Variants in TRIO observed in about 807,000 individuals in gnomAD.
TRIO encodes trio Rho guanine nucleotide exchange factor.
A neutral mutation model predicts 351.9 loss-of-function variants in TRIO; 58 were observed. That is an observed-to-expected ratio of 0.16 (90% CI 0.13 to 0.21). TRIO has a LOEUF of 0.21. Ranked by LOEUF, TRIO falls within the 10% of genes least tolerant of loss-of-function variation. The pLI is 1.00. For synonymous variants in TRIO, 1,758 were observed against 1,595.7 expected (o/e 1.10, Z -2.42); for missense variants, 3,201 against 4,027.8 (o/e 0.79, Z 5.56).
chr5:14,397,123 C>G lies in TRIO; in HGVS notation c.4392C>G (p.Ala1464=), dbSNP rs749640098. 6.2e-6 allele frequency: 10 copies of G among 1,609,642 alleles called. No homozygotes were observed. In the South Asian group the frequency reaches 1.1e-4, roughly 18 times the overall value. ...TGATGCTCAGCGTGCCGAAGCGAGC[C>G]AATGATGCCATGCACCTCAGCATGC... ...LEVMLSVPKR[A]NDAMHLSMLE... is the part of the protein sequence containing the mutation. The change falls in exon 29 of 57, where the codon GCC becomes GCG. Residue 1464 remains alanine, a synonymous_variant. Coordinates refer to ENST00000344204, the MANE Select transcript of TRIO (RefSeq NM_007118.4).
At chr5:14,412,688 G>A (rs920601969) in intron 33 of TRIO, among the ~76,000 whole-genome samples, 5 of 152,198 alleles carry the variant, frequency 3.3e-5, no homozygotes, top group Admixed American at 2.0e-4. Flanking sequence ...CCCCATGTAA[G>A]CATGAAATTG....
intron 56 of TRIO, 98 bp from the exon 57 acceptor site, chr5:14,507,782 C>G: frequency 7.0e-7 from 1 of 1,438,372 alleles, no homozygotes; most frequent in Non-Finnish European, 9.3e-7. Flanking sequence ...TAGTTGACAT[C>G]CTAGATTCCT....
intron 34 of TRIO, chr5:14,441,153 G>T (rs112035431): frequency 0.041 from 6,235 of 152,932 alleles, 216 homozygotes; most frequent in African/African-American, 0.087. Flanking sequence ...TTAGCTGGTC[G>T]CTGCTTTTGC....
At chr5:14,171,815 G>A (rs1374834766) in intron 1 of TRIO, among the ~76,000 whole-genome samples, 3 of 152,146 alleles carry the variant, frequency 2.0e-5, no homozygotes, top group Non-Finnish European at 4.4e-5. Context: ...TAGATATGTG[G>A]ACCTAGAGTA....
At chr5:14,430,232 A>AC (rs1750985112) in intron 34 of TRIO, among the ~76,000 whole-genome samples, 1 of 151,706 alleles carries the variant, frequency 6.6e-6, no homozygotes, top group Non-Finnish European at 1.5e-5. Flanking sequence ...AAAAAAAAAA[A>AC]AAATTGTCCT....
At chr5:14,333,290 T>G (rs1741080011) in intron 10 of TRIO, among the ~76,000 whole-genome samples, 1 of 152,204 alleles carries the variant, frequency 6.6e-6, no homozygotes, top group Admixed American at 6.5e-5. Flanking sequence ...CCACTGTTAG[T>G]TAGCGTTTGT....
intron 1 of TRIO, among the ~76,000 whole-genome samples, chr5:14,254,269 C>T (rs998459632): frequency 2.0e-5 from 3 of 151,860 alleles, no homozygotes; most frequent in South Asian, 2.1e-4. Flanking sequence ...CTGCAGCCTC[C>T]GCCTCCCAGG....
intron 34 of TRIO, among the ~76,000 whole-genome samples, chr5:14,446,507 G>C (rs1246753004): frequency 6.6e-6 from 1 of 152,168 alleles, no homozygotes; most frequent in Non-Finnish European, 1.5e-5. Context: ...AGGGGGAAGA[G>C]AGGGGGACAA....
chr5:14,398,596 A>G (rs187189642), intron 29 of TRIO, among the ~76,000 whole-genome samples: 17 of 152,302 alleles, frequency 1.1e-4, no homozygotes, highest in East Asian at 3.9e-4. Context: ...CCAGATCTCA[A>G]CTGTTGCAGA....
At chr5:14,465,763 C>T in intron 37 of TRIO, 123 bp downstream of exon 37, 1 of 1,061,288 alleles carries the variant, frequency 9.4e-7, no homozygotes, top group South Asian at 1.4e-5. Context: ...TATGGCACAT[C>T]TCAGGAGTCC....
chr5:14,472,474 A>C, intron 38 of TRIO, 118 bp from the exon 39 acceptor site: 1 of 1,057,112 alleles, frequency 9.5e-7, no homozygotes, highest in Non-Finnish European at 1.4e-6. Context: ...ACCTAAATGT[A>C]CAAATTTGAT....
intron 1 of TRIO, among the ~76,000 whole-genome samples, chr5:14,191,700 T>G (rs1037088728): frequency 6.6e-6 from 1 of 152,328 alleles, no homozygotes; most frequent in South Asian, 2.1e-4. Context: ...ATAGGGAAGT[T>G]AATTCTGATA....
intron 1 of TRIO, among the ~76,000 whole-genome samples, chr5:14,230,336 ATGTTTGTGTG>A (rs1793326527): frequency 8.6e-6 from 1 of 115,834 alleles, no homozygotes; most frequent in African/African-American, 4.1e-5. Flanking sequence ...GTCAGGCAAG[ATGTTTGTGTG>A]TGTGTGTGTG....
At position 14,286,939 on chromosome 5, in the gene TRIO, A is replaced by G. The variant is rs972632701; in HGVS notation, c.416A>G (p.Lys139Arg). 2 of 1,614,194 alleles carry G rather than the reference A, an allele frequency of 1.2e-6. No individual in the cohort carries two copies. Among genetic ancestry groups the G allele is most frequent in the East Asian group, 2.2e-5 (1 of 44,880 alleles). ...CGTGGGTCCAAGTGGGACTCCATCAAGCCCCTTCTGAAGATCCTGCAGGAG... is the reference window on the plus strand; with the variant it reads ...CGTGGGTCCAAGTGGGACTCCATCAGGCCCCTTCTGAAGATCCTGCAGGAG... The part of the protein sequence containing the change: ...DMRGSKWDSI[K>R]PLLKILQESF... The change falls in exon 4 of 57, where the codon AAG (lysine) becomes AGG (arginine). Residue 139 changes from lysine (K) to arginine (R), a missense_variant. Physicochemically the swap from Lys to Arg is conservative, Grantham distance 26. Transcript: ENST00000344204. This position sits in a 1 kb window ranked among gnomAD's most constrained non-coding sequence, Gnocchi z 4.4.
chr5:14,330,828 A>T lies in TRIO; in HGVS notation c.1782A>T (p.Thr594=). The T allele has an allele frequency of 6.2e-7, 1 of 1,614,168 alleles. No individual in the cohort carries two copies. The highest frequency in any genetic ancestry group is 2.2e-5 in the East Asian group (1 of 44,888). ...NHGEAFLSKH[T]GVGKSLHRAR... ...GAGAAGCATTTCTGAGCAAACATACAGGTGTGGGGAAATCTCTTCATCGGG... is the reference window on the plus strand; with the variant it reads ...GAGAAGCATTTCTGAGCAAACATACTGGTGTGGGGAAATCTCTTCATCGGG... The change falls in exon 10 of 57, where the codon ACA becomes ACT. Residue 594 remains threonine, a synonymous_variant. Transcript: ENST00000344204.
chr5:14,426,812 G>A (rs1750682957), intron 34 of TRIO, among the ~76,000 whole-genome samples: 1 of 152,180 alleles, frequency 6.6e-6, no homozygotes, highest in Non-Finnish European at 1.5e-5. Flanking sequence ...AGCACAGACG[G>A]TCATGGGGAA....
intron 3 of TRIO, among the ~76,000 whole-genome samples, chr5:14,283,972 T>G (rs962778250): frequency 3.9e-5 from 6 of 152,182 alleles, no homozygotes; most frequent in African/African-American, 1.4e-4. Context: ...TAATACTAAT[T>G]ATGTTCTAGA....
intron 1 of TRIO, among the ~76,000 whole-genome samples, chr5:14,144,749 G>A (rs1309560653): frequency 1.3e-5 from 2 of 151,930 alleles, no homozygotes; most frequent in East Asian, 3.9e-4. Flanking sequence ...GCTGCGCAGG[G>A]GGCGTGACAG....
intron 1 of TRIO, among the ~76,000 whole-genome samples, chr5:14,235,649 T>G (rs1229324870): frequency 2.6e-5 from 4 of 152,190 alleles, no homozygotes; most frequent in African/African-American, 7.2e-5. Flanking sequence ...GGTGGTTGAA[T>G]TGGACACAGA....
Sources: allele counts gnomAD v4.1 joint callset (sites outside exome capture counted in the v4.1 genomes callset), GRCh38; gene constraint gnomAD v4.1.1; non-coding constraint Gnocchi (gnomAD v3.1); transcripts MANE v1.5; gene names NCBI Gene and HGNC (gene_info 2026-07-23, HGNC 2026-07-21).